Variants in BIK observed in about 807,000 individuals in gnomAD.
The protein encoded by BIK is BCL2 interacting killer.
BIK carries 14 observed loss-of-function variants against 12.1 expected under a neutral mutation model. The ratio of observed to expected loss-of-function variants is 1.16; its 90% CI spans 0.77 to 1.81. BIK has a LOEUF of 1.81. BIK is among the 40% of genes most tolerant of loss of function. The pLI is 0.00. For synonymous variants in BIK, 86 were observed against 92.3 expected (o/e 0.93, Z 0.39); for missense variants, 215 against 207.9 (o/e 1.03, Z -0.21).
chr22:43,125,373 C>T (rs1021679282), intron 2 of BIK, among the ~76,000 whole-genome samples: 24 of 152,182 alleles, frequency 1.6e-4, no homozygotes, highest in Non-Finnish European at 1.2e-4. Flanking sequence ...AAGATGGAGT[C>T]GCTCTGGTTC....
Position 43,128,522 on chromosome 22 carries a change from A to G in BIK, c.287A>G (p.Gln96Arg). 1 of 1,613,980 alleles carries G rather than the reference A, an allele frequency of 6.2e-7. No homozygotes were observed. The highest frequency in any genetic ancestry group is 8.5e-7 in the Non-Finnish European group (1 of 1,179,822). Residue 96 changes from glutamine (Q) to arginine (R), a missense_variant, in exon 4 of 5, where the codon CAG (glutamine) becomes CGG (arginine). Physicochemically the swap from Gln to Arg is conservative, Grantham distance 43 (BLOSUM62 1). Transcript: ENST00000216115. ...HSLGLAFIYD[Q>R]TEDIRDVLRS... The stretch of plus-strand genomic sequence containing the variant: ...CTGGGTCTGGCTTTCATCTACGACC[A>G]GACTGAGGACATCAGGGATGTTCTT...
At chr22:43,116,302 G>A (rs1395557537) in intron 1 of BIK, among the ~76,000 whole-genome samples, 1 of 152,038 alleles carries the variant, frequency 6.6e-6, no homozygotes, top group African/African-American at 2.4e-5. Context: ...TTGATACAGG[G>A]TCTCACTCTG....
chr22:43,128,443 C>CCCTACCTGCT, intron 3 of BIK, 53 bp from the exon 4 acceptor site: 2 of 1,594,108 alleles, frequency 1.3e-6, no homozygotes, highest in Non-Finnish European at 1.7e-6. Context: ...TACAGGCTGC[C>CCCTACCTGCT]CCTACCTGCT....
intron 1 of BIK, among the ~76,000 whole-genome samples, chr22:43,115,900 G>A (rs983712177): frequency 6.6e-6 from 1 of 152,024 alleles, no homozygotes. Flanking sequence ...TGGACTACAG[G>A]TGCCCGCCAC....
chr22:43,129,481 T>TA lies in BIK; in HGVS notation c.*177dup. 5.3e-6 allele frequency: 6 copies of TA among 1,124,012 alleles called. No individual in the cohort carries two copies. The highest frequency in any genetic ancestry group is 7.3e-6 in the Non-Finnish European group (6 of 824,700). The allele number at this position is 1,124,012 out of a possible 1,614,324, so 69.6% of individuals were successfully genotyped here. A position where few individuals can be genotyped will look rare whatever the true frequency, so the allele number is the denominator to read the frequency against. ...ATACTCAGGTTTTTTGTTTTTTTTT[T>TA]ATTCCAGTTTTCGTTTTTTCTAAAA... is the stretch of plus-strand genomic sequence containing the variant. On this transcript the variant is annotated 3_prime_UTR_variant, in exon 5 of 5. Transcript: ENST00000216115.
intron 1 of BIK, among the ~76,000 whole-genome samples, chr22:43,119,920 G>A (rs1410786150): frequency 6.6e-6 from 1 of 152,118 alleles, no homozygotes; most frequent in Non-Finnish European, 1.5e-5. Context: ...TAGTGAGCAT[G>A]ATCAGGCCAC....
intron 1 of BIK, among the ~76,000 whole-genome samples, chr22:43,115,920 C>G (rs1930104574): frequency 6.6e-6 from 1 of 151,966 alleles, no homozygotes. Flanking sequence ...CCACGCCCGG[C>G]TAACTTTGGT....
intron 2 of BIK, 72 bp from the exon 3 acceptor site, chr22:43,127,625 G>C: frequency 7.3e-7 from 1 of 1,361,088 alleles, no homozygotes; most frequent in South Asian, 1.3e-5. Context: ...ACAATCCGTT[G>C]GCTGGGTGGG....
intron 4 of BIK, 38 bp downstream of exon 4, chr22:43,128,663 C>A (rs766362381): frequency 3.8e-6 from 6 of 1,573,132 alleles, no homozygotes; most frequent in African/African-American, 2.7e-5. Flanking sequence ...ACTTGCGCTG[C>A]GGCCAGTGGG....
At chr22:43,124,785 G>A (rs140669417) in intron 2 of BIK, among the ~76,000 whole-genome samples, 1 of 151,712 alleles carries the variant, frequency 6.6e-6, no homozygotes, top group East Asian at 1.9e-4. Flanking sequence ...CCAGCTAGTC[G>A]GGAGGCTGAG....
intron 1 of BIK, among the ~76,000 whole-genome samples, chr22:43,121,168 T>C (rs1448125966): frequency 6.6e-6 from 1 of 152,120 alleles, no homozygotes; most frequent in Non-Finnish European, 1.5e-5. Context: ...AGAGTGAGAC[T>C]GTCTCAAAAA....
At chr22:43,112,029 A>C (rs919324182) in intron 1 of BIK, among the ~76,000 whole-genome samples, 1 of 152,052 alleles carries the variant, frequency 6.6e-6, no homozygotes, top group Non-Finnish European at 1.5e-5. Flanking sequence ...TCTGAACCTC[A>C]GTTTGTTCTG....
chr22:43,113,165 T>C (rs1930043759), intron 1 of BIK, among the ~76,000 whole-genome samples: 1 of 152,058 alleles, frequency 6.6e-6, no homozygotes, highest in Non-Finnish European at 1.5e-5. Context: ...GATCACACCA[T>C]GGCACTCCAG....
chr22:43,118,152 C>T (rs1368658398), intron 1 of BIK, among the ~76,000 whole-genome samples: 2 of 152,056 alleles, frequency 1.3e-5, no homozygotes, highest in Non-Finnish European at 2.9e-5. Context: ...TCAAGGCTGC[C>T]AGGTCCATGC....
intron 1 of BIK, among the ~76,000 whole-genome samples, chr22:43,114,960 G>T (rs1055894897): frequency 6.6e-6 from 1 of 152,170 alleles, no homozygotes. Flanking sequence ...GCCTGCCATC[G>T]TGAGCCCAGC....
intron 1 of BIK, among the ~76,000 whole-genome samples, chr22:43,117,053 C>G (rs1227341883): frequency 1.3e-5 from 2 of 152,234 alleles, no homozygotes; most frequent in Non-Finnish European, 2.9e-5. Context: ...GGAGCCTTAG[C>G]TCTGAAAGCC....
chr22:43,118,635 A>C (rs1930163149), intron 1 of BIK, among the ~76,000 whole-genome samples: 1 of 152,016 alleles, frequency 6.6e-6, no homozygotes, highest in African/African-American at 2.4e-5. Flanking sequence ...GGAAGACTGG[A>C]CCAGGGTTTT....
At chr22:43,119,230 A>T (rs1233926936) in intron 1 of BIK, among the ~76,000 whole-genome samples, 2 of 151,796 alleles carry the variant, frequency 1.3e-5, no homozygotes, top group Non-Finnish European at 2.9e-5. Flanking sequence ...CTGGGTGGGG[A>T]CACATGGCTA....
chr22:43,119,381 C>A (rs1036049090), intron 1 of BIK, among the ~76,000 whole-genome samples: 1 of 152,128 alleles, frequency 6.6e-6, no homozygotes, highest in Non-Finnish European at 1.5e-5. Flanking sequence ...GAATAGGTTG[C>A]CTTCATGTCT....
Sources: gnomAD v4.1 joint callset for allele counts (sites outside exome capture counted in the v4.1 genomes callset) on GRCh38, gnomAD v4.1.1 for gene constraint, MANE v1.5 for transcripts, NCBI Gene and HGNC (gene_info 2026-07-23, HGNC 2026-07-21) for gene names.